GNA15: variants seen among roughly 807,000 people sequenced by gnomAD.
The protein encoded by GNA15 is guanine nucleotide-binding protein subunit alpha-15.
In GNA15, 23 loss-of-function variants were observed where a neutral mutation model predicts 40.1. The observed-to-expected ratio is 0.57, with a 90% CI of 0.41 to 0.81. The LOEUF is 0.81. Among genes scored for constraint, GNA15 ranks in the 40% least tolerant of loss-of-function variants. The pLI is 0.00. For synonymous variants in GNA15, 226 were observed against 210.4 expected, an observed-to-expected ratio of 1.07 and a Z score of -0.64; for missense variants, 522 against 515.8, an observed-to-expected ratio of 1.01 and a Z score of -0.12.
intron 1 of GNA15, chr19:3,142,926 T>G (rs1319159549): frequency 6.6e-6 from 1 of 151,778 alleles, no homozygotes; most frequent in Non-Finnish European, 1.5e-5. Flanking sequence ...GATCTGAGGG[T>G]TGGAAGGCAA....
At chr19:3,162,759 G>A (rs1915168209) in intron 6 of GNA15, 34 bp from the exon 7 acceptor site, 10 of 1,469,540 alleles carry the variant, frequency 6.8e-6, no homozygotes, top group African/African-American at 1.4e-5. Context: ...CAAAGAGGGA[G>A]GGTCCTCACC....
At chr19:3,158,394 C>T (rs113547998) in intron 6 of GNA15, among the ~76,000 whole-genome samples, 3,522 of 152,112 alleles carry the variant, frequency 0.023, 66 homozygotes, top group Middle Eastern at 0.1. Flanking sequence ...CCTCCTGATC[C>T]ACCCGCCTCA....
chr19:3,156,529 C>T (rs547719196), intron 5 of GNA15, among the ~76,000 whole-genome samples: 3 of 152,206 alleles, frequency 2.0e-5, no homozygotes, highest in Non-Finnish European at 4.4e-5. Flanking sequence ...CATGCACGCA[C>T]ACGCACAGGC....
intron 2 of GNA15, 145 bp from the exon 3 acceptor site, chr19:3,149,986 G>C: frequency 3.1e-6 from 2 of 644,312 alleles, no homozygotes; most frequent in Admixed American, 2.9e-5. Context: ...AGAAGTGTGC[G>C]GGGGGGTCGG....
At chr19:3,156,163 GACACACACACAC>G (rs141415003) in intron 5 of GNA15, among the ~76,000 whole-genome samples, 28 of 135,946 alleles carry the variant, frequency 2.1e-4, no homozygotes, top group Admixed American at 1.9e-3. Flanking sequence ...CAGGACCCCA[GACACACACACAC>G]ACACACACAC....
intron 1 of GNA15, among the ~76,000 whole-genome samples, chr19:3,148,203 C>T (rs1272832771): frequency 6.6e-6 from 1 of 152,084 alleles, no homozygotes; most frequent in Non-Finnish European, 1.5e-5. Context: ...ATTCTCCTGC[C>T]TCAGCCTCCT....
chr19:3,157,852 A>C lies in GNA15; in HGVS notation c.869A>C (p.His290Pro). The C allele has an allele frequency of 6.2e-7, 1 of 1,613,442 alleles. No individual in the cohort carries two copies. The highest frequency in any genetic ancestry group is 1.7e-5 in the Admixed American group (1 of 60,010). ...CTGGAGGAGAAAATCCCCACCTCCC[A>C]CCTGGCTACCTATTTCCCCAGTTTC... ...DILEEKIPTS[H>P]LATYFPSFQG... is the part of the protein sequence containing the mutation. The change falls in exon 6 of 7, where the codon CAC becomes CCC. Residue 290 changes from histidine (H) to proline (P), a missense_variant. His to Pro is a moderately conservative substitution (Grantham distance 77, BLOSUM62 -2). Transcript: ENST00000262958.
At position 3,155,767 on chromosome 19, in the gene GNA15, G is replaced by T. The variant is rs1914997646; in HGVS notation, c.615-56G>T. 6.3e-7 allele frequency: 1 copy of T among 1,587,448 alleles called. No individual in the cohort carries two copies. The highest frequency in any genetic ancestry group is 1.1e-5 in the South Asian group (1 of 88,078). On this transcript the variant is annotated intron_variant, in intron 4 of 6. Transcript: ENST00000262958. The surrounding 1 kb of genome is among the most constrained non-coding windows in gnomAD (Gnocchi z 5.6). Reference sequence around the variant, plus strand: ...ATATCCCAGACGTGATGGGGGTTGGGGGTGTCACGGAGCAGGCTCCTGAGC... The same window carrying T: ...ATATCCCAGACGTGATGGGGGTTGGTGGTGTCACGGAGCAGGCTCCTGAGC...
chr19:3,162,823 G>A lies in GNA15; in HGVS notation c.929G>A (p.Arg310Lys), dbSNP rs1568300677. The A allele has an allele frequency of 1.9e-6, 3 of 1,613,918 alleles. No homozygotes were observed. The highest frequency in any genetic ancestry group is 2.2e-5 in the South Asian group (2 of 91,082). ...AAGCAGGATGCTGAGGCAGCCAAGA[G>A]GTTCATCCTGGACATGTACACGAGG... ...GPKQDAEAAK[R>K]FILDMYTRMY... The change falls in exon 7 of 7, where the codon AGG becomes AAG. Residue 310 changes from arginine (R) to lysine (K), a missense_variant. By Grantham distance (26) the Arg-to-Lys change is conservative. Coordinates refer to ENST00000262958, the MANE Select transcript of GNA15 (RefSeq NM_002068.4).
intron 1 of GNA15, among the ~76,000 whole-genome samples, chr19:3,145,360 T>TATATATATATATATATATATGTATATATA (rs1555705683): frequency 4.6e-5 from 1 of 21,560 alleles, no homozygotes; most frequent in Non-Finnish European, 8.8e-5. Context: ...TATATATATA[T>TATATATATATATATATATATGTATATATA]TTTTTTTTTT....
chr19:3,159,010 A>G (rs546126188), intron 6 of GNA15, among the ~76,000 whole-genome samples: 1 of 148,166 alleles, frequency 6.7e-6, no homozygotes, highest in East Asian at 2.0e-4. Context: ...TCTTTAATCC[A>G]TTTTTTCTTT....
intron 6 of GNA15, 56 bp from the exon 7 acceptor site, chr19:3,162,737 G>A: frequency 8.5e-7 from 1 of 1,181,136 alleles, no homozygotes; most frequent in Non-Finnish European, 1.3e-6. Context: ...GTCTCCAGAG[G>A]CCCCCTGGGT....
intron 6 of GNA15, among the ~76,000 whole-genome samples, chr19:3,161,086 G>T (rs1031822478): frequency 1.3e-5 from 2 of 151,880 alleles, no homozygotes; most frequent in Non-Finnish European, 1.5e-5. Flanking sequence ...GGGACTACAG[G>T]CGCACACCAC....
rs541922155 is a variant in GNA15 at position 3,148,783 on chromosome 19, G to GCCAGGGCAGGCAGGGGC, written c.330+36_330+52dup. On this transcript the variant is annotated intron_variant, in intron 2 of 6. Transcript: ENST00000262958. The stretch of plus-strand genomic sequence containing the variant: ...AGCAGGCCCGAGAGCAAGGTGAGCC[G>GCCAGGGCAGGCAGGGGC]CCAGGGCAGGCAGGGGCCCAGGGCA... 91 of 1,586,712 alleles carry GCCAGGGCAGGCAGGGGC rather than the reference G, an allele frequency of 5.7e-5. No individual in the cohort carries two copies. Among genetic ancestry groups the GCCAGGGCAGGCAGGGGC allele is most frequent in the African/African-American group, 3.1e-4 (23 of 74,430 alleles).
intron 5 of GNA15, among the ~76,000 whole-genome samples, chr19:3,156,163 GACACACAC>G (rs141415003): frequency 1.8e-4 from 24 of 136,032 alleles, no homozygotes; most frequent in African/African-American, 4.4e-4. Flanking sequence ...CAGGACCCCA[GACACACAC>G]ACACACACAC....
chr19:3,138,181 G>C (rs537892306), intron 1 of GNA15, among the ~76,000 whole-genome samples: 7 of 152,012 alleles, frequency 4.6e-5, no homozygotes, highest in Non-Finnish European at 1.5e-5. Flanking sequence ...CAGGAGAATC[G>C]CTTGAAACCA....
At chr19:3,148,306 T>C (rs906216769) in intron 1 of GNA15, among the ~76,000 whole-genome samples, 10 of 152,184 alleles carry the variant, frequency 6.6e-5, no homozygotes, top group Non-Finnish European at 1.3e-4. Flanking sequence ...CAGGTTGGTC[T>C]CTAACTCCTG....
chr19:3,147,264 A>C (rs1914746571), intron 1 of GNA15, among the ~76,000 whole-genome samples: 1 of 152,228 alleles, frequency 6.6e-6, no homozygotes, highest in Admixed American at 6.5e-5. Flanking sequence ...GATAAATAAT[A>C]AAAATAGGCC....
intron 1 of GNA15, among the ~76,000 whole-genome samples, chr19:3,148,107 G>T (rs1462710561): frequency 2.0e-5 from 3 of 149,836 alleles, no homozygotes; most frequent in African/African-American, 4.9e-5. Flanking sequence ...GTTTTTTTTT[G>T]AGACAGAATC....
Sources: allele counts gnomAD v4.1 joint callset (sites outside exome capture counted in the v4.1 genomes callset), GRCh38; gene constraint gnomAD v4.1.1; non-coding constraint Gnocchi (gnomAD v3.1); transcripts MANE v1.5; gene names NCBI Gene and HGNC (gene_info 2026-07-23, HGNC 2026-07-21).